The following LUZP2 variants were observed in gnomAD, a reference collection of about 807,000 sequenced individuals.
The protein encoded by LUZP2 is leucine zipper protein 2.
A neutral mutation model predicts 51.6 loss-of-function variants in LUZP2; 52 were observed. That is an observed-to-expected ratio of 1.01 (90% CI 0.81 to 1.27). LUZP2 has a LOEUF of 1.27. LUZP2 is among the 50% of genes most tolerant of loss of function. The pLI is 0.00. For synonymous variants in LUZP2, 154 were observed against 137.3 expected (o/e 1.12, Z -0.85); for missense variants, 436 against 395.4 (o/e 1.10, Z -0.87).
intron 5 of LUZP2, among the ~76,000 whole-genome samples, chr11:24,825,687 G>A (rs373155578): frequency 1.2e-3 from 180 of 152,092 alleles, no homozygotes; most frequent in African/African-American, 4.2e-3. Flanking sequence ...CCATGCTCAT[G>A]AATTTTAAAA....
intron 1 of LUZP2, among the ~76,000 whole-genome samples, chr11:24,670,747 C>A (rs1856378027): frequency 6.6e-6 from 1 of 151,692 alleles, no homozygotes; most frequent in South Asian, 2.1e-4. Flanking sequence ...TCTTTTATTT[C>A]ATCAGAAAAA....
intron 1 of LUZP2, among the ~76,000 whole-genome samples, chr11:24,664,539 C>A (rs1856146708): frequency 6.6e-6 from 1 of 152,054 alleles, no homozygotes; most frequent in Admixed American, 6.6e-5. Context: ...CACCCTCCTC[C>A]CCCACTCCAT....
chr11:24,553,736 G>C (rs1170345346), intron 1 of LUZP2, among the ~76,000 whole-genome samples: 1 of 152,042 alleles, frequency 6.6e-6, no homozygotes, highest in Non-Finnish European at 1.5e-5. Flanking sequence ...GCCAAGCTAT[G>C]GTACGTATCT....
chr11:24,931,778 C>T (rs968735779), intron 7 of LUZP2, among the ~76,000 whole-genome samples: 5 of 152,170 alleles, frequency 3.3e-5, no homozygotes, highest in Non-Finnish European at 7.3e-5. Context: ...TGCTGCTGAA[C>T]TAGTGTGGTC....
intron 7 of LUZP2, 93 bp from the exon 8 acceptor site, chr11:24,976,498 C>A: frequency 1.4e-5 from 9 of 636,148 alleles, no homozygotes; most frequent in African/African-American, 2.1e-5. Flanking sequence ...TCTTTTCTCT[C>A]TTTTTACAAT....
rs1859345787 is a variant in LUZP2, at chr11:25,077,505, TA to T, written c.936+100del. 4 of 459,566 alleles carry T rather than the reference TA, an allele frequency of 8.7e-6. No individual in the cohort carries two copies. The East Asian group carries it at 2.3e-4, about 27-fold the overall frequency. 28.5% of individuals were successfully genotyped at this position (459,566 alleles called of 1,614,324 possible). A position where few individuals can be genotyped will look rare whatever the true frequency, so the allele number is the denominator to read the frequency against. On this transcript the variant is annotated intron_variant, in intron 11 of 11. Coordinates refer to ENST00000336930, the MANE Select transcript of LUZP2 (RefSeq NM_001009909.4). ...TTTATATTATTTTTTATTTTTTATTTATTTATTTTTTTGAGACAGAGTCTTG... is the reference window on the plus strand; with the variant it reads ...TTTATATTATTTTTTATTTTTTATTTTTTATTTTTTTGAGACAGAGTCTTG...
intron 1 of LUZP2, among the ~76,000 whole-genome samples, chr11:24,585,924 CA>C (rs1457591425): frequency 1.3e-5 from 2 of 152,090 alleles, no homozygotes; most frequent in African/African-American, 2.4e-5. Flanking sequence ...TAGTCTTGTT[CA>C]GGGGCAGAGA....
intron 1 of LUZP2, among the ~76,000 whole-genome samples, chr11:24,584,294 A>C (rs1387582605): frequency 1.3e-5 from 2 of 150,960 alleles, no homozygotes; most frequent in Admixed American, 1.3e-4. Context: ...CCCCACCTCC[A>C]CTCCTCCTCA....
intron 1 of LUZP2, among the ~76,000 whole-genome samples, chr11:24,676,963 G>A (rs973825096): frequency 2.6e-5 from 4 of 152,070 alleles, no homozygotes; most frequent in African/African-American, 4.8e-5. Flanking sequence ...CACCATGTCC[G>A]GCCAAGCCTC....
chr11:24,518,425 C>G (rs977291855), intron 1 of LUZP2, among the ~76,000 whole-genome samples: 1 of 152,030 alleles, frequency 6.6e-6, no homozygotes, highest in Admixed American at 6.6e-5. Flanking sequence ...TCTGGGCTAA[C>G]AAGATAACAA....
chr11:25,005,127 A>T (rs1051879892), intron 9 of LUZP2, among the ~76,000 whole-genome samples: 1 of 152,050 alleles, frequency 6.6e-6, no homozygotes, highest in African/African-American at 2.4e-5. Flanking sequence ...CCCACCCCCT[A>T]CAGCTTGAAG....
chr11:25,029,997 C>T (rs1301560261), intron 9 of LUZP2, among the ~76,000 whole-genome samples: 1 of 151,832 alleles, frequency 6.6e-6, no homozygotes, highest in East Asian at 1.9e-4. Flanking sequence ...ATAGATTTAC[C>T]AACCAACATA....
chr11:24,882,660 T>A (rs1239160500), intron 5 of LUZP2, among the ~76,000 whole-genome samples: 2 of 152,048 alleles, frequency 1.3e-5, no homozygotes, highest in Non-Finnish European at 2.9e-5. Flanking sequence ...TGTTGTACAG[T>A]TAGATTATAA....
At chr11:24,542,252 G>T (rs1319684822) in intron 1 of LUZP2, among the ~76,000 whole-genome samples, 1 of 151,982 alleles carries the variant, frequency 6.6e-6, no homozygotes, top group African/African-American at 2.4e-5. Context: ...CACAAACCAC[G>T]TGTTCTCTTT....
intron 10 of LUZP2, among the ~76,000 whole-genome samples, chr11:25,073,734 T>C (rs1374872057): frequency 6.6e-6 from 1 of 152,140 alleles, no homozygotes; most frequent in Admixed American, 6.6e-5. Flanking sequence ...TGTTTGGTAA[T>C]TGCATCACTG....
At chr11:25,002,339 C>T (rs780996311) in intron 9 of LUZP2, among the ~76,000 whole-genome samples, 10 of 152,136 alleles carry the variant, frequency 6.6e-5, no homozygotes, top group South Asian at 2.1e-4. Context: ...GAGATCATCT[C>T]GGGCAGCATA....
chr11:24,563,895 T>C (rs1016209964), intron 1 of LUZP2, among the ~76,000 whole-genome samples: 12 of 152,180 alleles, frequency 7.9e-5, no homozygotes, highest in African/African-American at 2.4e-4. Flanking sequence ...AGAGGGATTT[T>C]TGAAGCAGAG....
intron 7 of LUZP2, among the ~76,000 whole-genome samples, chr11:24,941,245 T>A (rs1180490474): frequency 2.0e-5 from 3 of 152,234 alleles, no homozygotes; most frequent in Non-Finnish European, 4.4e-5. Flanking sequence ...TAGGTTTTAC[T>A]TATTTTTAAT....
At chr11:24,590,814 C>T (rs1218527591) in intron 1 of LUZP2, among the ~76,000 whole-genome samples, 1 of 152,136 alleles carries the variant, frequency 6.6e-6, no homozygotes, top group Non-Finnish European at 1.5e-5. Flanking sequence ...CTTACCTTCC[C>T]TTATTTTCAT....
Sources: allele counts gnomAD v4.1 joint callset (sites outside exome capture counted in the v4.1 genomes callset), GRCh38; gene constraint gnomAD v4.1.1; transcripts MANE v1.5; gene names NCBI Gene and HGNC (gene_info 2026-07-23, HGNC 2026-07-21).